GNB1: variants seen among roughly 807,000 people sequenced by gnomAD.
GNB1 encodes the protein G protein subunit beta 1.
Under a neutral mutation model 42.9 loss-of-function variants are expected in GNB1, and 2 were observed. The ratio of observed to expected loss-of-function variants is 0.05; its 90% CI spans 0.02 to 0.15. The LOEUF is 0.15. Ranked by LOEUF, GNB1 falls within the 10% of genes least tolerant of loss-of-function variation. The probability of loss-of-function intolerance (pLI) is 1.00; values close to 1 mark genes in which losing one functional copy is unlikely to be tolerated. For missense variants in GNB1, 193 were observed against 462.2 expected (o/e 0.42, Z 5.34); for synonymous variants, 183 against 174.7 (o/e 1.05, Z -0.38).
At chr1:1,798,167 AGAG>A (rs934580277) in intron 7 of GNB1, among the ~76,000 whole-genome samples, 2 of 152,236 alleles carry the variant, frequency 1.3e-5, no homozygotes, top group African/African-American at 4.8e-5. Context: ...AGGGTTGCAC[AGAG>A]GAGTGCCCGG....
intron 5 of GNB1, 146 bp downstream of exon 5, chr1:1,815,610 C>T: frequency 1.6e-6 from 1 of 606,404 alleles, no homozygotes; most frequent in Admixed American, 2.9e-5. Context: ...CCTGTGAACG[C>T]TGCACCTTGC....
At chr1:1,868,249 C>T (rs537622358) in intron 1 of GNB1, among the ~76,000 whole-genome samples, 33 of 152,184 alleles carry the variant, frequency 2.2e-4, no homozygotes, top group East Asian at 7.8e-4. Context: ...GATCTCAGCT[C>T]GCTGCAACCT....
chr1:1,882,302 C>A (rs1040190017), intron 1 of GNB1, among the ~76,000 whole-genome samples: 2 of 152,018 alleles, frequency 1.3e-5, no homozygotes. Flanking sequence ...GCGGCATGCA[C>A]CTGTAATCCC....
At chr1:1,886,325 A>C (rs1431724378) in intron 1 of GNB1, among the ~76,000 whole-genome samples, 1 of 152,144 alleles carries the variant, frequency 6.6e-6, no homozygotes, top group Non-Finnish European at 1.5e-5. Context: ...CTCACAAAAA[A>C]AGCTTTCAGC....
intron 1 of GNB1, among the ~76,000 whole-genome samples, chr1:1,885,749 G>A (rs1174377841): frequency 6.7e-6 from 1 of 150,364 alleles, no homozygotes; most frequent in African/African-American, 2.4e-5. Context: ...TAGTAGCAAT[G>A]GGGTTTCACC....
intron 1 of GNB1, among the ~76,000 whole-genome samples, chr1:1,890,005 G>C (rs568297210): frequency 6.6e-6 from 1 of 152,076 alleles, no homozygotes; most frequent in East Asian, 1.9e-4. Flanking sequence ...CCCGAAACTC[G>C]GCGCGGCGGC....
intron 1 of GNB1, among the ~76,000 whole-genome samples, chr1:1,862,153 T>C (rs1648666399): frequency 6.6e-6 from 1 of 152,068 alleles, no homozygotes; most frequent in Non-Finnish European, 1.5e-5. Context: ...ACCAAGGAGA[T>C]GAAAGTTGCA....
intron 1 of GNB1, among the ~76,000 whole-genome samples, chr1:1,847,019 T>C (rs1233616611): frequency 2.0e-5 from 3 of 152,126 alleles, no homozygotes; most frequent in African/African-American, 7.2e-5. Context: ...AGAAAATCAT[T>C]GAGGAAAAGA....
intron 1 of GNB1, among the ~76,000 whole-genome samples, chr1:1,889,896 G>A (rs757455776): frequency 7.8e-6 from 1 of 128,016 alleles, no homozygotes; most frequent in Non-Finnish European, 1.6e-5. Context: ...CCCGCTTCCA[G>A]CCGAAAAGCC....
At chr1:1,884,710 T>C (rs1650050126) in intron 1 of GNB1, among the ~76,000 whole-genome samples, 2 of 150,438 alleles carry the variant, frequency 1.3e-5, no homozygotes, top group South Asian at 2.1e-4. Flanking sequence ...AGAGACGGAG[T>C]CTTGCTCTGT....
At chr1:1,878,575 C>G (rs1570754159) in intron 1 of GNB1, among the ~76,000 whole-genome samples, 2 of 152,190 alleles carry the variant, frequency 1.3e-5, no homozygotes, top group East Asian at 3.8e-4. Context: ...TAGAGCCCTA[C>G]AGCAGACTCG....
chr1:1,845,498 A>G (rs986939416), intron 1 of GNB1, among the ~76,000 whole-genome samples: 2 of 152,108 alleles, frequency 1.3e-5, no homozygotes, highest in African/African-American at 2.4e-5. Flanking sequence ...GCGTGAACCC[A>G]GGAGGCGGAG....
At chr1:1,870,438 A>C (rs1165526727) in intron 1 of GNB1, among the ~76,000 whole-genome samples, 2 of 152,120 alleles carry the variant, frequency 1.3e-5, no homozygotes, top group East Asian at 3.8e-4. Flanking sequence ...AGCCTCCCCA[A>C]ATCCAGAGAT....
intron 2 of GNB1, among the ~76,000 whole-genome samples, chr1:1,830,229 T>C (rs927144897): frequency 2.6e-5 from 4 of 152,154 alleles, no homozygotes; most frequent in African/African-American, 9.7e-5. Context: ...AACATTTTTT[T>C]CTTTATACTT....
chr1:1,886,212 G>A (rs1424674112), intron 1 of GNB1, among the ~76,000 whole-genome samples: 2 of 152,088 alleles, frequency 1.3e-5, no homozygotes, highest in Non-Finnish European at 2.9e-5. Context: ...CAGCTACTCG[G>A]GAGGCTGAGA....
intron 7 of GNB1, 126 bp downstream of exon 7, chr1:1,804,293 C>A (rs557995095): frequency 1.5e-6 from 1 of 665,158 alleles, no homozygotes; most frequent in Admixed American, 2.7e-5. Flanking sequence ...AGCGAGACTC[C>A]GCCTCAAAAA....
intron 1 of GNB1, among the ~76,000 whole-genome samples, chr1:1,848,429 A>T (rs1003546657): frequency 2.0e-5 from 3 of 152,046 alleles, no homozygotes; most frequent in African/African-American, 7.2e-5. Context: ...GTATTTCAGT[A>T]AAGTTCCACC....
In GNB1 at chr1:1,864,314, CAAAAAAAA is replaced by C. The variant is rs1173466617; in HGVS notation, c.-95-25084_-95-25077del. On this transcript the variant is annotated intron_variant, in intron 1 of 11. Coordinates refer to ENST00000378609, the MANE Select transcript of GNB1 (RefSeq NM_002074.5). ...CTGGGTGACAAGAGCAAGACTCTCTCAAAAAAAAAAAAAAAAAAAAAAGAAGAAAACCC... is the reference window on the plus strand; with the variant it reads ...CTGGGTGACAAGAGCAAGACTCTCTCAAAAAAAAAAAAAAGAAGAAAACCC... Among the ~76,000 whole-genome samples, 200 of 37,936 alleles carry C rather than the reference CAAAAAAAA, an allele frequency of 5.3e-3. 4 individuals are homozygous for C. Among genetic ancestry groups the C allele is most frequent in the African/African-American group, 0.015 (179 of 11,846 alleles). The allele number at this position is 37,936 out of a possible 152,430, so 24.9% of individuals were successfully genotyped here.
chr1:1,859,281 G>A (rs1447588479), intron 1 of GNB1, among the ~76,000 whole-genome samples: 2 of 152,088 alleles, frequency 1.3e-5, no homozygotes, highest in African/African-American at 2.4e-5. Context: ...CTGAGCCTCC[G>A]AAAGTGCTGG....
Sources: gnomAD v4.1 joint callset for allele counts (sites outside exome capture counted in the v4.1 genomes callset) on GRCh38, gnomAD v4.1.1 for gene constraint, MANE v1.5 for transcripts, NCBI Gene and HGNC (gene_info 2026-07-23, HGNC 2026-07-21) for gene names.